Variants in SRGAP3 observed in about 807,000 individuals in gnomAD.
The protein encoded by SRGAP3 is SLIT-ROBO Rho GTPase activating protein 3, also known as SLIT-ROBO Rho GTPase-activating protein 3.
In SRGAP3, 39 loss-of-function variants were observed where a neutral mutation model predicts 121.1. That is an observed-to-expected ratio of 0.32 (90% CI 0.25 to 0.42). SRGAP3 has a LOEUF of 0.42. SRGAP3 is among the 10% of genes least tolerant of loss of function. The pLI, the probability that SRGAP3 is intolerant of heterozygous loss-of-function variation, is 1.00. For missense variants in SRGAP3, 1,213 were observed against 1,470.6 expected (o/e 0.82, Z 2.86); for synonymous variants, 601 against 570.0 (o/e 1.05, Z -0.77).
At chr3:9,251,172 A>C (rs1210031386), upstream of SRGAP3, among the ~76,000 whole-genome samples, 1 of 152,212 alleles carries the variant, frequency 6.6e-6, no homozygotes, top group Non-Finnish European at 1.5e-5. Flanking sequence ...GTTCTCCTGG[A>C]GCACACAGCA....
chr3:8,995,072 C>A (rs777828237), intron 18 of SRGAP3, among the ~76,000 whole-genome samples: 3 of 152,100 alleles, frequency 2.0e-5, no homozygotes, highest in Non-Finnish European at 2.9e-5. Flanking sequence ...AAGCCCTCAC[C>A]CACAACGTGA....
intron 1 of SRGAP3, among the ~76,000 whole-genome samples, chr3:9,334,866 G>C (rs1955666254): frequency 6.6e-6 from 1 of 152,210 alleles, no homozygotes; most frequent in African/African-American, 2.4e-5. Flanking sequence ...GCAAAATGGG[G>C]ATTTAATACC....
chr3:8,986,015 T>C (rs775410400), intron 21 of SRGAP3, 83 bp from the exon 22 acceptor site: 1 of 1,592,086 alleles, frequency 6.3e-7, no homozygotes, highest in Middle Eastern at 1.7e-4. Context: ...CTTCCCTTCG[T>C]AGGCAGGTTC....
In SRGAP3 at chr3:9,064,550, T is replaced by C. The variant is rs1946328997; in HGVS notation, c.518A>G (p.Glu173Gly). 10 of 1,614,088 alleles carry C rather than the reference T, an allele frequency of 6.2e-6. No homozygotes were observed. In the East Asian group the frequency reaches 2.2e-4, roughly 36 times the overall value. Residue 173 changes from glutamate to glycine, a missense_variant, in exon 5 of 22, where the codon GAG (glutamate) becomes GGG (glycine). Transcript: ENST00000383836. ...VMKTYHMYHA[E>G]SISAESKLKE... Reference sequence around the variant, plus strand: ...CAGCTTGCTTTCCGCACTGATGCTCTCTGCATGGTACATGTGGTAGGTTTT... The same window carrying C: ...CAGCTTGCTTTCCGCACTGATGCTCCCTGCATGGTACATGTGGTAGGTTTT...
At chr3:9,360,478 A>G (rs2125298712) in intron 1 of SRGAP3, among the ~76,000 whole-genome samples, 1 of 152,336 alleles carries the variant, frequency 6.6e-6, no homozygotes, top group South Asian at 2.1e-4. Context: ...TAATTTTTTG[A>G]CGAAAGGCTA....
intron 3 of SRGAP3, among the ~76,000 whole-genome samples, chr3:9,265,623 A>AT (rs746492078): frequency 6.6e-6 from 1 of 152,118 alleles, no homozygotes; most frequent in Non-Finnish European, 1.5e-5. Context: ...GAAAAAAAAA[A>AT]CTCATCATCA....
intron 2 of SRGAP3, 148 bp downstream of exon 2, chr3:9,124,577 A>G: frequency 2.1e-6 from 2 of 946,694 alleles, no homozygotes; most frequent in Non-Finnish European, 1.6e-6. Context: ...TGAGGCTTGG[A>G]GGTGTAAGTA....
Position 9,010,627 on chromosome 3 carries a change from T to C in SRGAP3, c.2148-240A>G, listed in dbSNP as rs145883839. Among the ~76,000 whole-genome samples, 15 of 152,312 alleles carry C rather than the reference T, an allele frequency of 9.8e-5. No homozygotes were observed. In the East Asian group the frequency reaches 2.9e-3, roughly 29 times the overall value. On this transcript the variant is annotated intron_variant, in intron 17 of 21. Coordinates refer to ENST00000383836, the MANE Select transcript of SRGAP3 (RefSeq NM_014850.4). ...CCCCAGTGCCCTCCTAGCCCTGGAA[T>C]TTGCTGAGCTGTCTTCTTGGTGAAG... is the stretch of plus-strand genomic sequence containing the variant.
At chr3:9,161,712 T>A (rs13068883) in intron 1 of SRGAP3, among the ~76,000 whole-genome samples, 35,395 of 152,238 alleles carry the variant, frequency 0.23, 4,583 homozygotes, top group Admixed American at 0.32. Context: ...AAGTGCTAGA[T>A]GTCGAATCCA....
At chr3:9,038,198 A>C in intron 10 of SRGAP3, 108 bp from the exon 11 acceptor site, 1 of 1,452,684 alleles carries the variant, frequency 6.9e-7, no homozygotes, top group Non-Finnish European at 9.5e-7. Flanking sequence ...TATTTATGAA[A>C]TATGAAATCT....
At chr3:9,319,276 A>G (rs922627192) in intron 3 of SRGAP3, among the ~76,000 whole-genome samples, 2 of 151,900 alleles carry the variant, frequency 1.3e-5, no homozygotes, top group African/African-American at 4.8e-5. Context: ...ATTCCTTTGT[A>G]CCTTAGCTTG....
At chr3:9,084,675 G>A (rs754852669) in intron 3 of SRGAP3, among the ~76,000 whole-genome samples, 19 of 152,116 alleles carry the variant, frequency 1.2e-4, no homozygotes, top group South Asian at 2.1e-4. Context: ...ACCAGTTCCC[G>A]TAGCAAGCAT....
In SRGAP3 at chr3:9,189,967, C is replaced by T. The variant is rs113608029; in HGVS notation, c.67+58918G>A. Reference sequence around the variant, plus strand: ...ATGCTTACTATGTGCCAAGTACTATCCTAAGTGCTTTTCATGTATATTCGC... The same window carrying T: ...ATGCTTACTATGTGCCAAGTACTATTCTAAGTGCTTTTCATGTATATTCGC... On this transcript the variant is annotated intron_variant, in intron 1 of 21. Coordinates refer to ENST00000383836, the MANE Select transcript of SRGAP3 (RefSeq NM_014850.4). Among the ~76,000 whole-genome samples, 611 of 152,298 alleles carry T rather than the reference C, an allele frequency of 4.0e-3. 4 individuals are homozygous for T. The highest frequency in any genetic ancestry group is 0.012 in the African/African-American group (500 of 41,560).
At chr3:9,027,286 G>T (rs925235361) in intron 12 of SRGAP3, among the ~76,000 whole-genome samples, 10 of 152,238 alleles carry the variant, frequency 6.6e-5, no homozygotes, top group African/African-American at 2.4e-4. Flanking sequence ...TTGGGCAGTG[G>T]AGAGGGAACC....
At chr3:8,994,589 C>T in intron 18 of SRGAP3, 66 bp from the exon 19 acceptor site, 1 of 1,588,648 alleles carries the variant, frequency 6.3e-7, no homozygotes, top group Non-Finnish European at 8.6e-7. Context: ...GAGCCTCACT[C>T]AGATGGCCCT....
In SRGAP3 at chr3:8,994,503, T is replaced by A; in HGVS notation, c.2248A>T (p.Ile750Phe). 6.2e-7 allele frequency: 1 copy of A among 1,613,912 alleles called. No homozygotes were observed. Among genetic ancestry groups the A allele is most frequent in the East Asian group, 2.2e-5 (1 of 44,884 alleles). Residue 750 changes from isoleucine to phenylalanine, a missense_variant, in exon 19 of 22, where the codon ATT becomes TTT. Physicochemically the swap from Ile to Phe is conservative, Grantham distance 21. Transcript: ENST00000383836. Reference protein sequence around the residue: ...SDEEVEQIEAIAKFDYMGRSP... With the variant: ...SDEEVEQIEAFAKFDYMGRSP... ...CGCCCCATGTAGTCAAACTTGGCAA[T>A]AGCCTCGATCTGCTCCACTTCTGGA...
intron 5 of SRGAP3, among the ~76,000 whole-genome samples, chr3:9,061,006 C>T (rs988570573): frequency 1.3e-5 from 2 of 152,136 alleles, no homozygotes; most frequent in African/African-American, 4.8e-5. Context: ...CTGAGGCAGG[C>T]ATATCACCTG....
chr3:9,060,026 T>C lies in SRGAP3; in HGVS notation c.801+205A>G, dbSNP rs939707984. The C allele has an allele frequency of 2.8e-5, 21 of 761,896 alleles. No homozygotes were observed. The East Asian group carries it at 6.4e-4, about 23-fold the overall frequency. 47.2% of individuals were successfully genotyped at this position (761,896 alleles called of 1,614,324 possible). On this transcript the variant is annotated intron_variant, in intron 6 of 21. Coordinates refer to ENST00000383836, the MANE Select transcript of SRGAP3 (RefSeq NM_014850.4). ...GCACTGGGGCCACCAGAGGCCCATG[T>C]CCCACTCGTGAAAATAGACACCACG...
At chr3:9,342,653 C>A (rs1955809123) in intron 1 of SRGAP3, among the ~76,000 whole-genome samples, 1 of 152,170 alleles carries the variant, frequency 6.6e-6, no homozygotes, top group African/African-American at 2.4e-5. Context: ...GAAAAGAAAA[C>A]ACATCAACAT....
Sources: gnomAD v4.1 joint callset for allele counts (sites outside exome capture counted in the v4.1 genomes callset) on GRCh38, gnomAD v4.1.1 for gene constraint, MANE v1.5 for transcripts, NCBI Gene and HGNC (gene_info 2026-07-23, HGNC 2026-07-21) for gene names.